TTN: variants seen among roughly 807,000 people sequenced by gnomAD.
TTN encodes titin, also known as connectin.
Under a neutral mutation model 3,223.0 loss-of-function variants are expected in TTN, and 1,525 were observed. The ratio of observed to expected loss-of-function variants is 0.47; its 90% confidence interval spans 0.45 to 0.49. The LOEUF (loss-of-function observed/expected upper bound fraction) is 0.49. Among genes scored for constraint, TTN ranks in the 20% least tolerant of loss-of-function variants. The pLI is 0.00. For missense variants in TTN, 40,786 were observed against 43,424.0 expected (o/e 0.94, Z 5.40); for synonymous variants, 14,094 against 15,161.0 (o/e 0.93, Z 5.17).
At chr2:178,753,023 G>T in intron 47 of TTN, 101 bp downstream of exon 47, 2 of 910,782 alleles carry the variant, frequency 2.2e-6, no homozygotes, top group Non-Finnish European at 3.4e-6. Context: ...GTATATCTAT[G>T]TCATTTTTTT....
chr2:178,772,921 G>A, intron 33 of TTN, 188 bp downstream of exon 33: 3 of 681,520 alleles, frequency 4.4e-6, no homozygotes, highest in Non-Finnish European at 7.3e-6. Flanking sequence ...TGACGTTTGA[G>A]GTAGGCCTAG....
rs1169301175 is a variant in TTN at position 178,751,597 on chromosome 2, C to A, written c.11311+1527G>T. ...GAAATTCTAAATATTTCTCATCTTG[C>A]CCTTTTTGGATAACAAGCAATGATG... is the stretch of plus-strand genomic sequence containing the variant. On this transcript the variant is annotated intron_variant, in intron 47 of 362. Transcript: ENST00000589042. 3 of 1,613,120 alleles carry A rather than the reference C, an allele frequency of 1.9e-6. No individual in the cohort carries two copies. The African/African-American group carries it at 4.0e-5, about 22-fold the overall frequency.
At chr2:178,797,877 T>G (rs1007787327) in intron 6 of TTN, among the ~76,000 whole-genome samples, 3 of 152,164 alleles carry the variant, frequency 2.0e-5, no homozygotes, top group Non-Finnish European at 4.4e-5. Flanking sequence ...GTCTTCTCTT[T>G]TTTTTTCATT....
At chr2:178,746,581 C>T in intron 47 of TTN, 1 of 1,613,168 alleles carries the variant, frequency 6.2e-7, no homozygotes, top group Non-Finnish European at 8.5e-7. Context: ...CTTCCTGGGG[C>T]ATTATGTCTA....
chr2:178,566,825 C>T lies in TTN; in HGVS notation c.79307G>A (p.Cys26436Tyr). The T allele has an allele frequency of 2.5e-6, 4 of 1,613,416 alleles. No individual in the cohort carries two copies. The highest frequency in any genetic ancestry group is 1.7e-4 in the Middle Eastern group (1 of 6,060). The change falls in exon 326 of 363, where the codon TGT becomes TAT. Residue 26436 changes from cysteine (C) to tyrosine (Y), a missense_variant. Transcript: ENST00000589042. The stretch of plus-strand genomic sequence containing the variant: ...CAAATCTGTAATGCGGCGTTTATTA[C>T]ATTTTATCCATCGAATGCCACTTCT... Reference protein sequence around the residue: ...RDRSGIRWIKCNKRRITDLRL... With the variant: ...RDRSGIRWIKYNKRRITDLRL...
rs1285684685 is a variant in TTN at position 178,576,835 on chromosome 2, A to G, written c.69413-4T>C. 6.2e-7 allele frequency: 1 copy of G among 1,602,804 alleles called. No individual in the cohort carries two copies. On this transcript the variant is annotated splice_polypyrimidine_tract_variant and splice_region_variant and intron_variant, in intron 324 of 362. Coordinates refer to ENST00000589042, the MANE Select transcript of TTN (RefSeq NM_001267550.2). This position sits in a 1 kb window ranked among gnomAD's most constrained non-coding sequence, Gnocchi z 4.3. ...TTTTCAGGAGGGCCAGGGGGACCTG[A>G]AAAGGAAGCAAATTTATTAGAAATC...
chr2:178,676,397 T>C (rs2068077037), intron 147 of TTN, among the ~76,000 whole-genome samples: 2 of 151,920 alleles, frequency 1.3e-5, no homozygotes, highest in Admixed American at 6.6e-5. Context: ...TATAACTATA[T>C]GGCCTGATGC....
At position 178,583,803 on chromosome 2, in the gene TTN, G is replaced by A. The variant is rs377017745; in HGVS notation, c.65379C>T (p.Phe21793=). The change falls in exon 312 of 363, where the codon TTC becomes TTT. Residue 21793 remains phenylalanine, a synonymous_variant. Coordinates refer to ENST00000589042, the MANE Select transcript of TTN (RefSeq NM_001267550.2). ...HDGGSKIIGY[F]VEACKLPGDK... ...CACCAGGAAGTTTGCAAGCTTCTAC[G>A]AAATAGCCAATAATTTTACTGCCTC... 409 of 1,609,862 alleles carry A rather than the reference G, an allele frequency of 2.5e-4. No individual in the cohort carries two copies. Among genetic ancestry groups the A allele is most frequent in the Non-Finnish European group, 3.3e-4 (391 of 1,178,066 alleles).
rs72632860 is a variant in TTN at position 178,610,269 on chromosome 2, C to T, written c.51257G>A (p.Arg17086His). 4.2e-5 allele frequency: 68 copies of T among 1,612,820 alleles called. No individual in the cohort carries two copies. The highest frequency in any genetic ancestry group is 1.8e-4 in the East Asian group (8 of 44,762). Reference sequence around the variant, plus strand: ...ATATGTTCTCCTCCCAGCTTCTCTGCGCTCCAGGACATAATGAAGAATTGG... The same window carrying T: ...ATATGTTCTCCTCCCAGCTTCTCTGTGCTCCAGGACATAATGAAGAATTGG... ...GTPILHYVLE[R>H]REAGRRTYIP... The change falls in exon 271 of 363, where the codon CGC (arginine) becomes CAC (histidine). Residue 17086 changes from arginine (R) to histidine (H), a missense_variant. Arg to His is a conservative substitution (Grantham distance 29, BLOSUM62 0). Transcript: ENST00000589042.
In TTN at chr2:178,539,709, C is replaced by T. The variant is rs1206930199; in HGVS notation, c.98356G>A (p.Val32786Ile). The T allele has an allele frequency of 6.2e-7, 1 of 1,613,808 alleles. No individual in the cohort carries two copies. The highest frequency in any genetic ancestry group is 1.3e-5 in the African/African-American group (1 of 75,036). Residue 32786 changes from valine (V) to isoleucine (I), a missense_variant, in exon 352 of 363, where the codon GTC becomes ATC. Transcript: ENST00000589042. ...CCTATCACCCTGACCTTGATGTAGA[C>T]AGCCTTCTTGCCACATTTATTTTCC... is the stretch of plus-strand genomic sequence containing the variant. ...VLENKCGKKA[V>I]YIKVRVIGSP...
intron 2 of TTN, among the ~76,000 whole-genome samples, chr2:178,802,874 T>G (rs1056858945): frequency 5.9e-5 from 9 of 152,172 alleles, no homozygotes; most frequent in African/African-American, 2.2e-4. Context: ...CTTTCACAAG[T>G]GCAATCAGTA....
Position 178,783,773 on chromosome 2 carries a change from C to A in TTN, c.2788G>T (p.Ala930Ser), listed in dbSNP as rs758604858. ...HGREAKVTET[A>S]RVPAPVEIPV... ...ATTTCAACAGGTGCTGGTACTCTTG[C>A]TGTTTCTGTTACCTAGATTTTTACA... is the stretch of plus-strand genomic sequence containing the variant. Residue 930 changes from alanine to serine, a missense_variant, in exon 17 of 363, where the codon GCA (alanine) becomes TCA (serine). Ala to Ser is a moderately conservative substitution (Grantham distance 99). Coordinates refer to ENST00000589042, the MANE Select transcript of TTN (RefSeq NM_001267550.2). 1 of 1,613,062 alleles carries A rather than the reference C, an allele frequency of 6.2e-7. No homozygotes were observed. The highest frequency in any genetic ancestry group is 1.7e-5 in the Admixed American group (1 of 59,950).
In TTN at chr2:178,756,521, G is replaced by C; in HGVS notation, c.10955C>G (p.Ala3652Gly). Residue 3652 changes from alanine to glycine, a missense_variant, in exon 46 of 363, where the codon GCT becomes GGT. Transcript: ENST00000589042. ...AESTELSKEC[A>G]KESTGEAPKI... is the part of the protein sequence containing the mutation. The stretch of plus-strand genomic sequence containing the variant: ...GGGCGCCTCACCCGTGGACTCTTTA[G>C]CACATTCCTTAGATAGCTCAGTGCT... 6.2e-7 allele frequency: 1 copy of C among 1,613,538 alleles called. No individual in the cohort carries two copies. Among genetic ancestry groups the C allele is most frequent in the Non-Finnish European group, 8.5e-7 (1 of 1,179,658 alleles).
chr2:178,722,140 G>C lies in TTN; in HGVS notation c.22529-6C>G. 2 of 1,545,630 alleles carry C rather than the reference G, an allele frequency of 1.3e-6. No individual in the cohort carries two copies. Among genetic ancestry groups the C allele is most frequent in the Non-Finnish European group, 1.7e-6 (2 of 1,149,616 alleles). On this transcript the variant is annotated splice_polypyrimidine_tract_variant and splice_region_variant and intron_variant, in intron 77 of 362. Coordinates refer to ENST00000589042, the MANE Select transcript of TTN (RefSeq NM_001267550.2). ...GAAGGGAGATTTCTTGGGTTCTGGA[G>C]GATGAGAAGAAAGGCAATGTGTATT...
intron 2 of TTN, 85 bp downstream of exon 2, chr2:178,804,467 C>T: frequency 7.4e-7 from 1 of 1,353,510 alleles, no homozygotes; most frequent in Non-Finnish European, 1.0e-6. Context: ...AGGGCTTAAA[C>T]TTGGCGTCAA....
chr2:178,578,490 T>G lies in TTN; in HGVS notation c.68329+121A>C, dbSNP rs3769864. The G allele has an allele frequency of 0.31, 237,596 of 768,210 alleles. 44,436 individuals are homozygous for G. The highest frequency in any genetic ancestry group is 0.69 in the East Asian group (24,851 of 35,798). The allele number at this position is 768,210 out of a possible 1,614,324, so 47.6% of individuals were successfully genotyped here. A position where few individuals can be genotyped will look rare whatever the true frequency, so the allele number is the denominator to read the frequency against. ...TAAACATTAACCATATGTACTGAAA[T>G]AAAAACACATTTCTGTATAAGCAGA... On this transcript the variant is annotated intron_variant, in intron 321 of 362. Coordinates refer to ENST00000589042, the MANE Select transcript of TTN (RefSeq NM_001267550.2).
intron 266 of TTN, 47 bp from the exon 267 acceptor site, chr2:178,612,209 T>TA: frequency 6.2e-7 from 1 of 1,605,032 alleles, no homozygotes; most frequent in African/African-American, 1.3e-5. Flanking sequence ...GGAAAGGTGA[T>TA]AATCTCCTGT....
Position 178,674,307 on chromosome 2 carries a change from GT to G in TTN, c.34708+6del. 6.5e-7 allele frequency: 1 copy of G among 1,544,638 alleles called. No homozygotes were observed. The highest frequency in any genetic ancestry group is 8.9e-7 in the Non-Finnish European group (1 of 1,128,264). On this transcript the variant is annotated splice_donor_region_variant and intron_variant, in intron 151 of 362. Coordinates refer to ENST00000589042, the MANE Select transcript of TTN (RefSeq NM_001267550.2). ...TTTAAATGTTCAATCCTTAAAAGCG[GT>G]TATACCTCTAGGTGGTGCCACCTCT... is the stretch of plus-strand genomic sequence containing the variant.
intron 96 of TTN, 33 bp downstream of exon 96, chr2:178,711,911 C>T (rs2154295724): frequency 6.6e-7 from 1 of 1,526,220 alleles, no homozygotes; most frequent in Non-Finnish European, 8.8e-7. Flanking sequence ...AAAAGAAACA[C>T]AAATTCGTTC....
Sources: allele counts gnomAD v4.1 joint callset (sites outside exome capture counted in the v4.1 genomes callset), GRCh38; gene constraint gnomAD v4.1.1; non-coding constraint Gnocchi (gnomAD v3.1); transcripts MANE v1.5; gene names NCBI Gene and HGNC (gene_info 2026-07-23, HGNC 2026-07-21).